Variants in ADGRL4 observed in about 807,000 individuals in gnomAD.
ADGRL4 encodes the protein adhesion G protein-coupled receptor L4, also known as EGF, latrophilin and seven transmembrane domain containing 1.
Under a neutral mutation model 74.8 loss-of-function variants are expected in ADGRL4, and 90 were observed. The observed-to-expected ratio is 1.20, with a 90% CI of 1.02 to 1.43. The LOEUF (loss-of-function observed/expected upper bound fraction) is 1.43, where lower values mean the gene tolerates loss of function less well. ADGRL4 is among the 40% of genes most tolerant of loss of function. The pLI, the probability that ADGRL4 is intolerant of heterozygous loss-of-function variation, is 0.00. For synonymous variants in ADGRL4, 311 were observed against 279.2 expected, an observed-to-expected ratio of 1.11 and a Z score of -1.14; for missense variants, 881 against 814.3, an observed-to-expected ratio of 1.08 and a Z score of -1.00.
intron 12 of ADGRL4, among the ~76,000 whole-genome samples, chr1:78,906,511 G>T (rs1165651035): frequency 2.0e-5 from 3 of 151,902 alleles, no homozygotes; most frequent in South Asian, 2.1e-4. Flanking sequence ...AACTGTAGAT[G>T]ATTTTAAACC....
At chr1:78,911,757 G>T (rs1648767507) in intron 12 of ADGRL4, among the ~76,000 whole-genome samples, 2 of 151,714 alleles carry the variant, frequency 1.3e-5, no homozygotes, top group South Asian at 2.1e-4. Context: ...AATGCCATAA[G>T]ATTATCCTCC....
At chr1:78,928,442 A>G (rs1248215370) in intron 7 of ADGRL4, among the ~76,000 whole-genome samples, 1 of 151,504 alleles carries the variant, frequency 6.6e-6, no homozygotes, top group African/African-American at 2.4e-5. Flanking sequence ...ATTAAAAATT[A>G]GGGGTTCATT....
chr1:78,987,640 A>G (rs1226720174), intron 2 of ADGRL4, among the ~76,000 whole-genome samples: 1 of 151,788 alleles, frequency 6.6e-6, no homozygotes, highest in Non-Finnish European at 1.5e-5. Context: ...ATGTTATTGG[A>G]ACACTAATAG....
chr1:79,006,433 C>T (rs1350263506), intron 1 of ADGRL4, among the ~76,000 whole-genome samples, 200 bp downstream of exon 1: 1 of 152,212 alleles, frequency 6.6e-6, no homozygotes, highest in Non-Finnish European at 1.5e-5. Context: ...AAAAAGGTAA[C>T]ATTCCCTGGA....
intron 12 of ADGRL4, among the ~76,000 whole-genome samples, chr1:78,903,031 C>A (rs1243430329): frequency 1.3e-5 from 2 of 151,938 alleles, no homozygotes; most frequent in Admixed American, 6.6e-5. Flanking sequence ...AGAACACATT[C>A]GAATTCCAGC....
intron 12 of ADGRL4, among the ~76,000 whole-genome samples, chr1:78,916,683 G>A (rs1204902611): frequency 6.6e-6 from 1 of 151,732 alleles, no homozygotes; most frequent in African/African-American, 2.4e-5. Context: ...TCTCCATTTA[G>A]CAGTACCCTC....
At chr1:78,951,329 A>G (rs1649718031) in intron 2 of ADGRL4, among the ~76,000 whole-genome samples, 1 of 152,204 alleles carries the variant, frequency 6.6e-6, no homozygotes, top group African/African-American at 2.4e-5. Context: ...ATGTGAAGGT[A>G]GAGAAAAATG....
intron 2 of ADGRL4, among the ~76,000 whole-genome samples, chr1:78,959,700 A>G (rs1009260235): frequency 1.3e-5 from 2 of 152,092 alleles, no homozygotes; most frequent in Admixed American, 1.3e-4. Flanking sequence ...ATTGGTCTGG[A>G]CTCATTTATT....
chr1:78,974,686 T>C (rs1000198781), intron 2 of ADGRL4, among the ~76,000 whole-genome samples: 3 of 152,150 alleles, frequency 2.0e-5, no homozygotes, highest in Admixed American at 2.0e-4. Flanking sequence ...TTTATTGACT[T>C]TTCTGGCTTC....
chr1:78,919,946 GT>G (rs922781524), intron 10 of ADGRL4, among the ~76,000 whole-genome samples: 2 of 151,920 alleles, frequency 1.3e-5, no homozygotes, highest in African/African-American at 4.8e-5. Flanking sequence ...TTGTTGCAAA[GT>G]TTTAACTTGT....
At chr1:78,898,481 T>G (rs142478484) in intron 12 of ADGRL4, among the ~76,000 whole-genome samples, 1 of 152,000 alleles carries the variant, frequency 6.6e-6, no homozygotes, top group Non-Finnish European at 1.5e-5. Context: ...GATTTGTAAA[T>G]GAATATTCCT....
chr1:78,891,196 T>G lies in ADGRL4; in HGVS notation c.2031A>C (p.Arg677Ser). The G allele has an allele frequency of 6.2e-7, 1 of 1,607,670 alleles. No homozygotes were observed. Among genetic ancestry groups the G allele is most frequent in the Non-Finnish European group, 8.5e-7 (1 of 1,176,600 alleles). ...AACAACAGGGGACATTTTTGAACAA[T>G]CTGTAATATTCTTCTTGAATCTAAA... ...LSRKIQEEYY[R>S]LFKNVPCCFG... The change falls in exon 15 of 15, where the codon AGA becomes AGC. Residue 677 changes from arginine (R) to serine (S), a missense_variant. By Grantham distance (110) the Arg-to-Ser change is moderately radical. Transcript: ENST00000370742.
At chr1:78,891,425 G>T (rs1648270518) in intron 14 of ADGRL4, 99 bp downstream of exon 14, 3 of 1,340,892 alleles carry the variant, frequency 2.2e-6, no homozygotes, top group Admixed American at 4.8e-5. Context: ...GGCAATAAAG[G>T]CAGAAGTCAT....
chr1:78,893,245 T>C, intron 12 of ADGRL4, 56 bp from the exon 13 acceptor site: 1 of 1,051,162 alleles, frequency 9.5e-7, no homozygotes, highest in Non-Finnish European at 1.4e-6. Flanking sequence ...ATTGGATACA[T>C]ATAAAGAAAA....
At chr1:78,974,696 CT>C (rs1446976330) in intron 2 of ADGRL4, among the ~76,000 whole-genome samples, 3 of 152,054 alleles carry the variant, frequency 2.0e-5, no homozygotes, top group Admixed American at 2.0e-4. Flanking sequence ...TTTCTGGCTT[CT>C]AGAGGCTGCA....
chr1:78,949,227 G>A (rs1649673289), intron 2 of ADGRL4, among the ~76,000 whole-genome samples: 1 of 152,060 alleles, frequency 6.6e-6, no homozygotes, highest in Admixed American at 6.6e-5. Flanking sequence ...TCACCTAACT[G>A]ATTGTTTGTA....
At chr1:78,911,474 T>C in intron 12 of ADGRL4, among the ~76,000 whole-genome samples, 1 of 151,852 alleles carries the variant, frequency 6.6e-6, no homozygotes, top group East Asian at 1.9e-4. Flanking sequence ...TTTACTTTGT[T>C]TTAGCTAAAC....
chr1:78,960,865 A>C (rs1362865428), intron 2 of ADGRL4, among the ~76,000 whole-genome samples: 1 of 152,196 alleles, frequency 6.6e-6, no homozygotes, highest in Admixed American at 6.5e-5. Flanking sequence ...TAGACTTTAC[A>C]GCTTCTGCAA....
chr1:78,914,585 C>T (rs1427351130), intron 12 of ADGRL4, among the ~76,000 whole-genome samples: 1 of 151,826 alleles, frequency 6.6e-6, no homozygotes, highest in Non-Finnish European at 1.5e-5. Context: ...ATTCCTACTT[C>T]ACCAAGGAAT....
Sources: gnomAD v4.1 joint callset for allele counts (sites outside exome capture counted in the v4.1 genomes callset) on GRCh38, gnomAD v4.1.1 for gene constraint, MANE v1.5 for transcripts, NCBI Gene and HGNC (gene_info 2026-07-23, HGNC 2026-07-21) for gene names.